Variants in CREM observed in about 807,000 individuals in gnomAD.
The protein encoded by CREM is cAMP-responsive element modulator.
A neutral mutation model predicts 37.3 loss-of-function variants in CREM; 13 were observed. The observed-to-expected ratio is 0.35, with a 90% CI of 0.23 to 0.55. CREM has a LOEUF of 0.55. Among genes scored for constraint, CREM ranks in the 20% least tolerant of loss-of-function variants. The pLI, the probability that CREM is intolerant of heterozygous loss-of-function variation, is 0.88. For missense variants in CREM, 296 were observed against 362.3 expected (o/e 0.82, Z 1.49); for synonymous variants, 124 against 120.2 (o/e 1.03, Z -0.21).
At chr10:35,168,463 A>C (rs1034567045) in intron 3 of CREM, among the ~76,000 whole-genome samples, 2 of 151,952 alleles carry the variant, frequency 1.3e-5, no homozygotes, top group Non-Finnish European at 2.9e-5. Context: ...TTTCCTTGTA[A>C]ATTTGTTTGA....
intron 3 of CREM, among the ~76,000 whole-genome samples, chr10:35,150,386 C>CT (rs549125379): frequency 9.7e-4 from 148 of 152,258 alleles, no homozygotes; most frequent in Middle Eastern, 3.4e-3. Context: ...TCCCGGCTCA[C>CT]TAAGTTCTAC....
chr10:35,161,598 A>C (rs965888878), intron 3 of CREM, among the ~76,000 whole-genome samples: 2 of 151,268 alleles, frequency 1.3e-5, no homozygotes, highest in Non-Finnish European at 1.5e-5. Context: ...GGGAGGCAGA[A>C]GTTGCAGTGA....
chr10:35,131,349 T>C (rs1355555639), intron 1 of CREM, among the ~76,000 whole-genome samples: 1 of 152,234 alleles, frequency 6.6e-6, no homozygotes, highest in African/African-American at 2.4e-5. Context: ...TTTTGTGTGT[T>C]TTTTTAAACA....
At chr10:35,176,661 G>A (rs2094105908) in intron 3 of CREM, among the ~76,000 whole-genome samples, 2 of 151,932 alleles carry the variant, frequency 1.3e-5, no homozygotes, top group South Asian at 2.1e-4. Context: ...CGCCTGTCTC[G>A]GCTTCCCAAA....
At chr10:35,148,579 A>G in intron 3 of CREM, 88 bp downstream of exon 3, 2 of 1,404,964 alleles carry the variant, frequency 1.4e-6, no homozygotes, top group Non-Finnish European at 1.9e-6. Context: ...TTGATCTTAA[A>G]TTTTCCATGT....
chr10:35,135,597 T>G (rs2090337468), intron 1 of CREM: 1 of 151,126 alleles, frequency 6.6e-6, no homozygotes, highest in Non-Finnish European at 1.5e-5. Context: ...GCTTAGAAAT[T>G]ATAACTGGAG....
intron 3 of CREM, among the ~76,000 whole-genome samples, chr10:35,150,831 A>AC (rs1242901739): frequency 6.7e-6 from 1 of 149,700 alleles, no homozygotes; most frequent in Non-Finnish European, 1.5e-5. Flanking sequence ...AAAAAAAAAA[A>AC]GTGTTGCCAA....
At chr10:35,197,804 AC>A (rs935344767) in intron 6 of CREM, among the ~76,000 whole-genome samples, 4 of 152,130 alleles carry the variant, frequency 2.6e-5, no homozygotes, top group African/African-American at 9.6e-5. Flanking sequence ...GGGTTAAGGG[AC>A]TTTTTTGAAG....
chr10:35,203,727 G>GT (rs1451645204), intron 6 of CREM, among the ~76,000 whole-genome samples: 1 of 149,808 alleles, frequency 6.7e-6, no homozygotes, highest in Non-Finnish European at 1.5e-5. Flanking sequence ...TTTTTTTTTT[G>GT]TTTTTTGTTT....
chr10:35,187,146 A>ATG (rs1564921987), intron 5 of CREM, among the ~76,000 whole-genome samples: 5 of 64,014 alleles, frequency 7.8e-5, no homozygotes, highest in African/African-American at 3.2e-4. Context: ...ATTAATATAT[A>ATG]ATATATATAA....
chr10:35,186,925 TTA>T (rs1195362990), intron 5 of CREM, among the ~76,000 whole-genome samples: 3 of 99,932 alleles, frequency 3.0e-5, no homozygotes, highest in African/African-American at 4.2e-5. Context: ...AAAATATATG[TTA>T]TATATAAATA....
At chr10:35,198,439 C>T (rs531302319) in intron 6 of CREM, among the ~76,000 whole-genome samples, 1 of 151,494 alleles carries the variant, frequency 6.6e-6, no homozygotes, top group South Asian at 2.1e-4. Flanking sequence ...AAGAGAATGG[C>T]TTGAAACCGG....
chr10:35,149,889 A>AACACACACACACACACAC (rs55971717), intron 3 of CREM, among the ~76,000 whole-genome samples: 2,539 of 111,796 alleles, frequency 0.023, 70 homozygotes, highest in Non-Finnish European at 0.025. Context: ...CTTTTGCTTA[A>AACACACACACACACACAC]ACACACACAC....
chr10:35,130,781 T>C lies in CREM; in HGVS notation c.-55+3588T>C, dbSNP rs116683508. On this transcript the variant is annotated intron_variant, in intron 1 of 7. Coordinates refer to ENST00000685392, the MANE Select transcript of CREM (RefSeq NM_183011.2). ...TTTGGCATAGGTGTGTAGTCGGTTG[T>C]GCCATCTAGGTTTGTTTAAGAGCAG... Among the ~76,000 whole-genome samples the C allele has an allele frequency of 3.7e-3, 561 of 152,326 alleles. 7 individuals are homozygous for C. Among genetic ancestry groups the C allele is most frequent in the African/African-American group, 0.013 (545 of 41,568 alleles).
At chr10:35,175,836 G>A (rs2094036601) in intron 3 of CREM, 1 of 1,598,092 alleles carries the variant, frequency 6.3e-7, no homozygotes, top group Non-Finnish European at 8.5e-7. Flanking sequence ...AATCCTCAAT[G>A]GTGATCATTT....
chr10:35,155,982 C>G (rs1211052321), intron 3 of CREM, among the ~76,000 whole-genome samples: 1 of 148,898 alleles, frequency 6.7e-6, no homozygotes, highest in South Asian at 2.1e-4. Flanking sequence ...CCCTGTTGCC[C>G]AGGCTGGAGT....
At chr10:35,153,674 G>C (rs140003755) in intron 3 of CREM, among the ~76,000 whole-genome samples, 1 of 152,270 alleles carries the variant, frequency 6.6e-6, no homozygotes, top group African/African-American at 2.4e-5. Context: ...CTGAAGCCTG[G>C]AGGCCTCGAC....
At position 35,178,796 on chromosome 10, in the gene CREM, A is replaced by G; in HGVS notation, c.169-93A>G. On this transcript the variant is annotated intron_variant, in intron 3 of 7. Coordinates refer to ENST00000685392, the MANE Select transcript of CREM (RefSeq NM_183011.2). ...CAGTTGCTTCCACAGCTCCTGGCTC[A>G]GTGCTGCACACACAGACTCTTAGCC... is the stretch of plus-strand genomic sequence containing the variant. The G allele has an allele frequency of 4.5e-6, 4 of 887,346 alleles. No homozygotes were observed. In the South Asian group the frequency reaches 7.4e-5, roughly 16 times the overall value. 55.0% of individuals were successfully genotyped at this position (887,346 alleles called of 1,614,324 possible).
Position 35,148,123 on chromosome 10 carries a change from C to T in CREM, c.45-245C>T, listed in dbSNP as rs546931046. 2.6e-5 allele frequency among the ~76,000 whole-genome samples: 4 copies of T among 152,274 alleles called. No homozygotes were observed. The East Asian group carries it at 5.8e-4, about 22-fold the overall frequency. On this transcript the variant is annotated intron_variant, in intron 2 of 7. Coordinates refer to ENST00000685392, the MANE Select transcript of CREM (RefSeq NM_183011.2). ...ACGAGATTCATTTATGTTTCATATACACCTTATAGTCTAAAGGTAATTTTA... is the reference window on the plus strand; with the variant it reads ...ACGAGATTCATTTATGTTTCATATATACCTTATAGTCTAAAGGTAATTTTA...
Sources: allele counts gnomAD v4.1 joint callset (sites outside exome capture counted in the v4.1 genomes callset), GRCh38; gene constraint gnomAD v4.1.1; transcripts MANE v1.5; gene names NCBI Gene and HGNC (gene_info 2026-07-23, HGNC 2026-07-21).